The following CRYBG3 variants were observed in gnomAD, a reference collection of about 807,000 sequenced individuals.
The protein encoded by CRYBG3 is crystallin beta-gamma domain containing 3.
A neutral mutation model predicts 244.2 loss-of-function variants in CRYBG3; 127 were observed. The observed-to-expected ratio is 0.52, with a 90% CI of 0.45 to 0.60. CRYBG3 has a LOEUF of 0.60. CRYBG3 is among the 20% of genes least tolerant of loss of function. The pLI is 0.00. For synonymous variants in CRYBG3, 1,132 were observed against 1,195.8 expected (o/e 0.95, Z 1.10); for missense variants, 3,325 against 3,442.5 (o/e 0.97, Z 0.85).
chr3:97,931,300 G>A (rs2107095896), intron 17 of CRYBG3, among the ~76,000 whole-genome samples: 1 of 152,176 alleles, frequency 6.6e-6, no homozygotes, highest in Admixed American at 6.6e-5. Flanking sequence ...CCTCGACATG[G>A]AAAGAATTTG....
chr3:97,850,781 A>G (rs541994887), intron 2 of CRYBG3, among the ~76,000 whole-genome samples: 3 of 152,334 alleles, frequency 2.0e-5, no homozygotes, highest in East Asian at 3.9e-4. Context: ...ATGAATATAT[A>G]TCAGTACTCA....
Position 97,873,095 on chromosome 3 carries a change from A to G in CRYBG3, c.1901A>G (p.Glu634Gly), listed in dbSNP as rs1331323672. The G allele has an allele frequency of 6.5e-7, 1 of 1,535,130 alleles. No homozygotes were observed. The highest frequency in any genetic ancestry group is 2.4e-5 in the East Asian group (1 of 40,904). The change falls in exon 4 of 22, where the codon GAA becomes GGA. Residue 634 changes from glutamate (E) to glycine (G), a missense_variant. Around this residue, in one of 4 missense-constraint regions of CRYBG3, gnomAD observed 1,526 missense variants for 1,443.2 expected, o/e 1.06. Coordinates refer to ENST00000389622, the MANE Select transcript of CRYBG3 (RefSeq NM_153605.4). Reference protein sequence around the residue: ...PLDSESPQQAEVSPDAKTSLS... With the variant: ...PLDSESPQQAGVSPDAKTSLS... The stretch of plus-strand genomic sequence containing the variant: ...GACTCTGAGAGTCCTCAACAAGCTG[A>G]AGTATCACCTGATGCTAAAACATCT...
Position 97,873,181 on chromosome 3 carries a change from G to T in CRYBG3, c.1987G>T (p.Val663Phe). The T allele has an allele frequency of 1.3e-6, 2 of 1,535,912 alleles. No homozygotes were observed. The highest frequency in any genetic ancestry group is 3.3e-4 in the Middle Eastern group (2 of 5,988). Residue 663 changes from valine (V) to phenylalanine (F), a missense_variant, in exon 4 of 22, where the codon GTT becomes TTT. By Grantham distance (50) the Val-to-Phe change is conservative (BLOSUM62 -1). Transcript: ENST00000389622. ...SISPPTFVSGVGMLSKLDIPD... is the reference protein window; with the variant it reads ...SISPPTFVSGFGMLSKLDIPD... ...TTCACCTCCTACCTTTGTTTCTGGAGTTGGGATGCTGAGCAAGTTGGATAT... is the reference window on the plus strand; with the variant it reads ...TTCACCTCCTACCTTTGTTTCTGGATTTGGGATGCTGAGCAAGTTGGATAT...
intron 2 of CRYBG3, among the ~76,000 whole-genome samples, chr3:97,854,812 T>C (rs1250296126): frequency 6.6e-6 from 1 of 152,122 alleles, no homozygotes; most frequent in Non-Finnish European, 1.5e-5. Context: ...AGTGACAGTT[T>C]GACTTCCTCT....
intron 17 of CRYBG3, among the ~76,000 whole-genome samples, chr3:97,932,046 T>C (rs1167656281): frequency 1.3e-5 from 2 of 152,032 alleles, no homozygotes; most frequent in Non-Finnish European, 2.9e-5. Flanking sequence ...GGTTCAAAAG[T>C]CAAAATATAC....
At chr3:97,847,015 AG>A (rs2038913814) in intron 2 of CRYBG3, among the ~76,000 whole-genome samples, 2 of 152,322 alleles carry the variant, frequency 1.3e-5, no homozygotes, top group Admixed American at 1.3e-4. Context: ...GCAAAGAAGG[AG>A]CAGACATGTC....
rs779888475 is a variant in CRYBG3, at chr3:97,871,848, C to T, written c.654C>T (p.Ile218=). The T allele has an allele frequency of 4.0e-5, 60 of 1,488,946 alleles. No homozygotes were observed. Among genetic ancestry groups the T allele is most frequent in the Non-Finnish European group, 4.9e-5 (55 of 1,129,516 alleles). The allele number at this position is 1,488,946 out of a possible 1,614,324, so 92.2% of individuals were successfully genotyped here. The change falls in exon 4 of 22, where the codon ATC becomes ATT. Residue 218 remains isoleucine (I), a synonymous_variant. Transcript: ENST00000389622. ...DQETTNLLKQ[I]DGKPEKPSVT... is the part of the protein sequence containing the mutation. ...TCATGCTTTCTTTTTACAGACAAATCGATGGTAAACCAGAGAAGCCTTCAG... is the reference window on the plus strand; with the variant it reads ...TCATGCTTTCTTTTTACAGACAAATTGATGGTAAACCAGAGAAGCCTTCAG...
At chr3:97,908,605 T>G (rs527975175) in intron 15 of CRYBG3, among the ~76,000 whole-genome samples, 2 of 152,354 alleles carry the variant, frequency 1.3e-5, no homozygotes, top group South Asian at 2.1e-4. Flanking sequence ...GCTTCATAGA[T>G]CTTCCTCCAT....
Position 97,877,679 on chromosome 3 carries a change from A to T in CRYBG3, c.6485A>T (p.Asp2162Val). The T allele has an allele frequency of 6.2e-7, 1 of 1,614,106 alleles. No homozygotes were observed. Among genetic ancestry groups the T allele is most frequent in the Non-Finnish European group, 8.5e-7 (1 of 1,180,000 alleles). The stretch of plus-strand genomic sequence containing the variant: ...GAGGCAGCAGTATTGCATAAAGGAG[A>T]TCTGAGAGCTGGAAGTGGGGAGCGT... ...EEEAAVLHKG[D>V]LRAGSGERVT... The change falls in exon 4 of 22, where the codon GAT becomes GTT. Residue 2162 changes from aspartate (D) to valine (V), a missense_variant. Physicochemically the swap from Asp to Val is radical, Grantham distance 152. This residue lies in a region of CRYBG3 where 450 missense variants were observed against 424.1 expected (regional missense o/e 1.06). Transcript: ENST00000389622.
chr3:97,871,063 T>C (rs2039296429), intron 3 of CRYBG3, among the ~76,000 whole-genome samples: 2 of 152,144 alleles, frequency 1.3e-5, no homozygotes, highest in African/African-American at 4.8e-5. Context: ...ATGTGTGTAA[T>C]TGGCTATAAG....
chr3:97,893,128 A>C (rs1559735485), intron 11 of CRYBG3, 135 bp downstream of exon 11: 2 of 734,130 alleles, frequency 2.7e-6, no homozygotes, highest in Non-Finnish European at 4.4e-6. Flanking sequence ...GAAAGTAAAA[A>C]ATATTAGTTA....
At chr3:97,899,371 A>G in intron 14 of CRYBG3, 108 bp downstream of exon 14, 1 of 1,194,914 alleles carries the variant, frequency 8.4e-7, no homozygotes, top group Non-Finnish European at 1.2e-6. Context: ...TCATGTGTGT[A>G]TATAGAAAGA....
intron 12 of CRYBG3, 145 bp downstream of exon 12, chr3:97,896,230 G>A (rs988861758): frequency 2.0e-5 from 13 of 648,552 alleles, no homozygotes; most frequent in Non-Finnish European, 3.1e-5. Flanking sequence ...CAACTTGCCT[G>A]TTTTTCTGAA....
At chr3:97,904,844 C>T (rs1032831891) in intron 15 of CRYBG3, among the ~76,000 whole-genome samples, 56 of 150,264 alleles carry the variant, frequency 3.7e-4, no homozygotes, top group Admixed American at 3.2e-3. Flanking sequence ...CCCACTAACT[C>T]GTCATCTAGC....
chr3:97,827,905 C>A (rs1489488500), intron 1 of CRYBG3, among the ~76,000 whole-genome samples: 1 of 152,122 alleles, frequency 6.6e-6, no homozygotes, highest in East Asian at 1.9e-4. Context: ...AAGAAGGCTG[C>A]CCTTAGAAAA....
chr3:97,834,212 G>A (rs559706329), intron 1 of CRYBG3, among the ~76,000 whole-genome samples: 10 of 152,100 alleles, frequency 6.6e-5, no homozygotes, highest in Admixed American at 1.3e-4. Context: ...CTGATTTCAC[G>A]TAAGCTGTTG....
intron 3 of CRYBG3, among the ~76,000 whole-genome samples, chr3:97,866,406 G>C (rs537519387): frequency 1.3e-5 from 2 of 152,130 alleles, no homozygotes; most frequent in Non-Finnish European, 2.9e-5. Context: ...CCATAATATG[G>C]GATTACGATT....
chr3:97,880,424 C>T (rs2039431571), intron 6 of CRYBG3, among the ~76,000 whole-genome samples: 1 of 152,166 alleles, frequency 6.6e-6, no homozygotes, highest in Non-Finnish European at 1.5e-5. Context: ...TGAAGCATAG[C>T]TTTGAAAATG....
chr3:97,896,168 G>A (rs2039638337), intron 12 of CRYBG3, 83 bp downstream of exon 12: 1 of 1,297,088 alleles, frequency 7.7e-7, no homozygotes, highest in African/African-American at 1.5e-5. Context: ...GATAGAACAT[G>A]AGATTATAAA....
Sources: gnomAD v4.1 joint callset for allele counts (sites outside exome capture counted in the v4.1 genomes callset) on GRCh38, gnomAD v4.1.1 for gene constraint, gnomAD v4.1.1 regional missense constraint, MANE v1.5 for transcripts, NCBI Gene and HGNC (gene_info 2026-07-23, HGNC 2026-07-21) for gene names.